C4orf51: variants seen among roughly 807,000 people sequenced by gnomAD.
C4orf51 encodes the protein uncharacterized protein C4orf51.
A neutral mutation model predicts 25.2 loss-of-function variants in C4orf51; 25 were observed. That is an observed-to-expected ratio of 0.99 (90% confidence interval 0.72 to 1.39). The LOEUF is 1.39. C4orf51 is among the 40% of genes most tolerant of loss of function. The pLI, the probability that C4orf51 is intolerant of heterozygous loss-of-function variation, is 0.00. For synonymous variants in C4orf51, 100 were observed against 84.5 expected (o/e 1.18, Z -1.01); for missense variants, 252 against 239.6 (o/e 1.05, Z -0.34).
intron 1 of C4orf51, among the ~76,000 whole-genome samples, chr4:145,694,157 T>C (rs1465204205): frequency 1.6e-5 from 2 of 121,746 alleles, no homozygotes; most frequent in Non-Finnish European, 3.4e-5. Flanking sequence ...CCTCCTCACA[T>C]CCCAGACGAT....
In C4orf51 at chr4:145,729,170, C is replaced by T. The variant is rs373641162; in HGVS notation, c.368C>T (p.Ala123Val). ...TATTTCTATCTCTCCTTTTTATAGG[C>T]ACATCAAATTTGGGATTTTGGTGAT... is the stretch of plus-strand genomic sequence containing the variant. ...KKSFDVKHGV[A>V]HQIWDFGDCF... Residue 123 changes from alanine to valine, a missense_variant and splice_region_variant, in exon 4 of 6, where the codon GCA becomes GTA. Physicochemically the swap from Ala to Val is moderately conservative, Grantham distance 64. Coordinates refer to ENST00000438731, the MANE Select transcript of C4orf51 (RefSeq NM_001080531.3). The T allele has an allele frequency of 1.1e-5, 18 of 1,593,328 alleles. No individual in the cohort carries two copies. The African/African-American group carries it at 2.3e-4, about 20-fold the overall frequency.
At chr4:145,752,316 G>T (rs1000178899) in intron 1 of C4orf51, among the ~76,000 whole-genome samples, 1 of 152,266 alleles carries the variant, frequency 6.6e-6, no homozygotes, top group East Asian at 1.9e-4. Flanking sequence ...GTACTATCTG[G>T]GTATCGCTGC....
At chr4:145,787,142 A>G in the C4orf51 span, among the ~76,000 whole-genome samples, 13 of 152,336 alleles carry the variant, frequency 8.5e-5, no homozygotes, top group South Asian at 2.1e-3. Context: ...TGTTACCTCA[A>G]TGAACTGCTA....
At chr4:145,724,600 A>T (rs76760744) in intron 2 of C4orf51, among the ~76,000 whole-genome samples, 76 of 152,184 alleles carry the variant, frequency 5.0e-4, no homozygotes, top group African/African-American at 1.7e-3. Flanking sequence ...TAAAAAATCA[A>T]TCTGGGCACC....
At position 145,732,785 on chromosome 4, in the gene C4orf51, C is replaced by T; in HGVS notation, c.*225C>T. ...TTTTTATAATCTTTATTAAATTTTC[C>T]TTTTTAAATAAATACTTGGGACCAC... On this transcript the variant is annotated 3_prime_UTR_variant, in exon 6 of 6. Transcript: ENST00000438731. 1 of 398,284 alleles carries T rather than the reference C, an allele frequency of 2.5e-6. No individual in the cohort carries two copies. The allele number at this position is 398,284 out of a possible 1,614,324, so 24.7% of individuals were successfully genotyped here. A position where few individuals can be genotyped will look rare whatever the true frequency, so the allele number is the denominator to read the frequency against.
At chr4:145,785,276 G>A in the C4orf51 span, among the ~76,000 whole-genome samples, 1 of 152,262 alleles carries the variant, frequency 6.6e-6, no homozygotes, top group African/African-American at 2.4e-5. Context: ...AGCAAACTAT[G>A]CTTCTTATAA....
rs1560894715 is a variant in C4orf51 at position 145,768,911 on chromosome 4, AT to A, written n.167-2076del. On this transcript the variant is annotated intron_variant and non_coding_transcript_variant, in intron 1 of 1. Transcript: ENST00000510096. ...AAAAAATATATATATATATATATAT[AT>A]ATATTAGGTATACAAAGTTTGGAAA... 3.8e-3 allele frequency among the ~76,000 whole-genome samples: 181 copies of A among 47,452 alleles called. 40 individuals carry two copies. Among genetic ancestry groups the A allele is most frequent in the African/African-American group, 0.011 (166 of 14,720 alleles). The allele number at this position is 47,452 out of a possible 152,430, so 31.1% of individuals were successfully genotyped here.
Position 145,729,209 on chromosome 4 carries a change from C to G in C4orf51, c.407C>G (p.Pro136Arg). 6.2e-7 allele frequency: 1 copy of G among 1,607,358 alleles called. No individual in the cohort carries two copies. The highest frequency in any genetic ancestry group is 8.5e-7 in the Non-Finnish European group (1 of 1,175,636). ...IWDFGDCFPT[P>R]PNYGKYCVRP... ...GATTTTGGTGATTGTTTTCCGACACCTCCAAATTATGGAAAATACTGTAAG... is the reference window on the plus strand; with the variant it reads ...GATTTTGGTGATTGTTTTCCGACACGTCCAAATTATGGAAAATACTGTAAG... The change falls in exon 4 of 6, where the codon CCT (proline) becomes CGT (arginine). Residue 136 changes from proline to arginine, a missense_variant. Pro to Arg is a moderately radical substitution (Grantham distance 103). Coordinates refer to ENST00000438731, the MANE Select transcript of C4orf51 (RefSeq NM_001080531.3).
At chr4:145,778,583 G>GC in the C4orf51 span, among the ~76,000 whole-genome samples, 2 of 152,156 alleles carry the variant, frequency 1.3e-5, no homozygotes, top group Non-Finnish European at 2.9e-5. Context: ...CTGCACTCCA[G>GC]TCTGGGTGAC....
chr4:145,732,566 A>C lies in C4orf51; in HGVS notation c.*6A>C. Reference sequence around the variant, plus strand: ...CCTCATCGCCATTTAACTGAGTTGGAAAATGAAGCCACAAGGCTGGAGGCG... The same window carrying C: ...CCTCATCGCCATTTAACTGAGTTGGCAAATGAAGCCACAAGGCTGGAGGCG... On this transcript the variant is annotated 3_prime_UTR_variant, in exon 6 of 6. Transcript: ENST00000438731. 1 of 1,594,962 alleles carries C rather than the reference A, an allele frequency of 6.3e-7. No individual in the cohort carries two copies. The highest frequency in any genetic ancestry group is 1.1e-5 in the South Asian group (1 of 88,894).
intron 2 of C4orf51, among the ~76,000 whole-genome samples, chr4:145,713,185 C>G (rs562684114): frequency 6.5e-4 from 99 of 152,316 alleles, no homozygotes; most frequent in African/African-American, 2.3e-3. Context: ...AACACAACAT[C>G]CATTCTGTAG....
rs865856880 is a variant in C4orf51 at position 145,708,174 on chromosome 4, C to T, written c.307+11542C>T. Among the ~76,000 whole-genome samples, 52 of 152,318 alleles carry T rather than the reference C, an allele frequency of 3.4e-4. 1 individual carries two copies. The highest frequency in any genetic ancestry group is 2.3e-3 in the South Asian group (11 of 4,832). ...CAATAGTTGAGCTCACCTCCTTTCCCTTTGTTTCTCCTTTTCCTTAGCCCT... is the reference window on the plus strand; with the variant it reads ...CAATAGTTGAGCTCACCTCCTTTCCTTTTGTTTCTCCTTTTCCTTAGCCCT... On this transcript the variant is annotated intron_variant, in intron 2 of 5. Coordinates refer to ENST00000438731, the MANE Select transcript of C4orf51 (RefSeq NM_001080531.3).
chr4:145,702,410 T>C (rs1489727432), intron 2 of C4orf51, among the ~76,000 whole-genome samples: 2 of 152,086 alleles, frequency 1.3e-5, no homozygotes, highest in Non-Finnish European at 2.9e-5. Flanking sequence ...AGACTGACCC[T>C]GACACCCATT....
chr4:145,740,240 C>CAAAAAAAAAAAAAAAAAAAAAAAAAAA (rs60310006), intron 1 of C4orf51, among the ~76,000 whole-genome samples: 6 of 104,804 alleles, frequency 5.7e-5, no homozygotes, highest in African/African-American at 1.6e-4. Flanking sequence ...TCCCTTTCTG[C>CAAAAAAAAAAAAAAAAAAAAAAAAAAA]AAAAAAAAAA....
chr4:145,701,813 T>C (rs568720081), intron 2 of C4orf51, among the ~76,000 whole-genome samples: 7 of 152,178 alleles, frequency 4.6e-5, no homozygotes, highest in Non-Finnish European at 7.4e-5. Flanking sequence ...TTATGCACTC[T>C]TTTTTAGTTA....
downstream of C4orf51, among the ~76,000 whole-genome samples, chr4:145,771,245 T>C (rs1736233312): frequency 6.6e-6 from 1 of 152,254 alleles, no homozygotes; most frequent in Admixed American, 6.5e-5. Flanking sequence ...TTTTGCAAAC[T>C]GAAGAAATTT....
At chr4:145,719,447 T>C (rs1731600283) in intron 2 of C4orf51, among the ~76,000 whole-genome samples, 1 of 151,590 alleles carries the variant, frequency 6.6e-6, no homozygotes, top group Admixed American at 6.6e-5. Flanking sequence ...CTACTAAAAA[T>C]ACAAAAAATT....
chr4:145,751,545 C>T (rs1733675693), intron 1 of C4orf51, among the ~76,000 whole-genome samples: 1 of 152,186 alleles, frequency 6.6e-6, no homozygotes, highest in Admixed American at 6.5e-5. Context: ...ACATAAGCAA[C>T]CCATCGCACT....
At chr4:145,691,793 G>C (rs1277484905) in intron 1 of C4orf51, among the ~76,000 whole-genome samples, 1 of 152,122 alleles carries the variant, frequency 6.6e-6, no homozygotes, top group African/African-American at 2.4e-5. Flanking sequence ...AGGGAGCAAG[G>C]GTTGAATAAC....
Sources: gnomAD v4.1 joint callset for allele counts (sites outside exome capture counted in the v4.1 genomes callset) on GRCh38, gnomAD v4.1.1 for gene constraint, MANE v1.5 for transcripts, NCBI Gene and HGNC (gene_info 2026-07-23, HGNC 2026-07-21) for gene names.